SH3GL3: variants seen among roughly 807,000 people sequenced by gnomAD.
SH3GL3 encodes SH3 domain containing GRB2 like 3, endophilin A3, also known as endophilin-A3.
A neutral mutation model predicts 47.7 loss-of-function variants in SH3GL3; 33 were observed. The ratio of observed to expected loss-of-function variants is 0.69; its 90% CI spans 0.52 to 0.92. The LOEUF (loss-of-function observed/expected upper bound fraction) is 0.92, where lower values mean the gene tolerates loss of function less well. Ranked by LOEUF, SH3GL3 falls within the 40% of genes least tolerant of loss-of-function variation. The pLI is 0.00. For missense variants in SH3GL3, 363 were observed against 417.8 expected, an observed-to-expected ratio of 0.87 and a Z score of 1.14; for synonymous variants, 155 against 148.8, an observed-to-expected ratio of 1.04 and a Z score of -0.30.
chr15:83,456,819 A>G (rs930339117), intron 1 of SH3GL3, among the ~76,000 whole-genome samples: 3 of 152,130 alleles, frequency 2.0e-5, no homozygotes, highest in Admixed American at 6.5e-5. Flanking sequence ...CTATTCGGCC[A>G]TCTTGGCTCC....
At chr15:83,627,476 G>A in the SH3GL3 span, among the ~76,000 whole-genome samples, 3 of 152,034 alleles carry the variant, frequency 2.0e-5, no homozygotes, top group South Asian at 4.1e-4. Context: ...TCCTAGTGTT[G>A]GAAATTAGGG....
chr15:83,566,651 G>A (rs1382859698), intron 3 of SH3GL3, among the ~76,000 whole-genome samples: 1 of 152,164 alleles, frequency 6.6e-6, no homozygotes, highest in Non-Finnish European at 1.5e-5. Flanking sequence ...TAACACGTCT[G>A]TAGTCCTATT....
intron 1 of SH3GL3, among the ~76,000 whole-genome samples, chr15:83,532,613 G>C (rs994411321): frequency 1.3e-5 from 2 of 152,136 alleles, no homozygotes; most frequent in Non-Finnish European, 2.9e-5. Flanking sequence ...ATTGTAAGGT[G>C]TATCAGTTAG....
chr15:83,620,053 A>T (rs1382648605), downstream of SH3GL3, among the ~76,000 whole-genome samples: 3 of 152,216 alleles, frequency 2.0e-5, no homozygotes, highest in Non-Finnish European at 4.4e-5. Context: ...TTCTTTGTTC[A>T]ACTGTAAGAA....
intron 1 of SH3GL3, among the ~76,000 whole-genome samples, chr15:83,481,526 A>G (rs1001530155): frequency 5.9e-5 from 9 of 152,280 alleles, no homozygotes; most frequent in Middle Eastern, 3.4e-3. Flanking sequence ...CTTTATTTGT[A>G]CTTGACTTGA....
chr15:83,585,670 T>A (rs755114866), intron 6 of SH3GL3, among the ~76,000 whole-genome samples: 2 of 152,192 alleles, frequency 1.3e-5, no homozygotes, highest in Non-Finnish European at 2.9e-5. Context: ...GGGGCCAGGC[T>A]GTCTTTGTTT....
In SH3GL3 at chr15:83,541,312, A is replaced by ATTTTTTTT. The variant is rs71156085; in HGVS notation, c.46-17909_46-17902dup. On this transcript the variant is annotated intron_variant, in intron 1 of 8. Transcript: ENST00000427482. ...GATGGCTGGATCATATGGTAATTCT[A>ATTTTTTTT]TTTTTTTTTTTTTTTTTTTTTTTTT... Among the ~76,000 whole-genome samples the ATTTTTTTT allele has an allele frequency of 5.0e-3, 237 of 47,358 alleles. 69 individuals are homozygous for ATTTTTTTT. The highest frequency in any genetic ancestry group is 0.033 in the East Asian group (36 of 1,088). 31.1% of individuals were successfully genotyped at this position (47,358 alleles called of 152,430 possible).
intron 1 of SH3GL3, among the ~76,000 whole-genome samples, chr15:83,533,837 G>T (rs906709143): frequency 1.3e-5 from 2 of 152,146 alleles, no homozygotes; most frequent in Non-Finnish European, 2.9e-5. Flanking sequence ...TGACTTATTC[G>T]CAGGTGTCCC....
At chr15:83,480,881 G>A (rs2041317328) in intron 1 of SH3GL3, among the ~76,000 whole-genome samples, 1 of 152,004 alleles carries the variant, frequency 6.6e-6, no homozygotes, top group Non-Finnish European at 1.5e-5. Flanking sequence ...GTATCCCATG[G>A]GAGTCCTGGA....
downstream of SH3GL3, among the ~76,000 whole-genome samples, chr15:83,619,459 G>A (rs940140070): frequency 3.3e-5 from 5 of 152,124 alleles, no homozygotes; most frequent in African/African-American, 9.7e-5. Context: ...TAGCTAATGC[G>A]TGTCGGGCTT....
intron 1 of SH3GL3, among the ~76,000 whole-genome samples, chr15:83,494,351 A>C (rs981712507): frequency 1.3e-5 from 2 of 152,126 alleles, no homozygotes; most frequent in African/African-American, 4.8e-5. Flanking sequence ...TATTTGGCTT[A>C]TTTATTGAGA....
chr15:83,554,841 C>A (rs911783658), intron 1 of SH3GL3, among the ~76,000 whole-genome samples: 2 of 152,140 alleles, frequency 1.3e-5, no homozygotes, highest in African/African-American at 2.4e-5. Context: ...GGTTTTGCTG[C>A]GTCTGGGTGT....
At chr15:83,520,017 C>T (rs899451543) in intron 1 of SH3GL3, among the ~76,000 whole-genome samples, 34 of 152,312 alleles carry the variant, frequency 2.2e-4, no homozygotes, top group African/African-American at 6.7e-4. Context: ...GTCAGAGGGT[C>T]GGAGACAAAT....
chr15:83,596,693 C>T (rs1053242719), intron 8 of SH3GL3, among the ~76,000 whole-genome samples: 2 of 152,140 alleles, frequency 1.3e-5, no homozygotes, highest in African/African-American at 4.8e-5. Context: ...TGGTCTCCAA[C>T]TCCTGGGCTC....
intron 1 of SH3GL3, among the ~76,000 whole-genome samples, chr15:83,483,610 G>T (rs77722119): frequency 9.8e-4 from 149 of 152,242 alleles, no homozygotes; most frequent in African/African-American, 3.6e-3. Context: ...GAAATTAATG[G>T]ATGCAGCAAG....
At chr15:83,558,271 CTT>C (rs2045062520) in intron 1 of SH3GL3, among the ~76,000 whole-genome samples, 1 of 152,174 alleles carries the variant, frequency 6.6e-6, no homozygotes, top group South Asian at 2.1e-4. Flanking sequence ...GATGAAGACT[CTT>C]TAGGGATCTC....
intron 8 of SH3GL3, among the ~76,000 whole-genome samples, chr15:83,591,405 C>T (rs529189385): frequency 6.6e-6 from 1 of 151,682 alleles, no homozygotes; most frequent in African/African-American, 2.4e-5. Context: ...ATTGCCCTTT[C>T]AAACACACAT....
chr15:83,541,513 T>G (rs545144175), intron 1 of SH3GL3, among the ~76,000 whole-genome samples: 32 of 152,078 alleles, frequency 2.1e-4, no homozygotes, highest in African/African-American at 7.5e-4. Context: ...TTTTGTATTT[T>G]TAGTAGAGAC....
At chr15:83,597,887 C>T (rs1468552226) in intron 8 of SH3GL3, among the ~76,000 whole-genome samples, 5 of 152,176 alleles carry the variant, frequency 3.3e-5, no homozygotes, top group Non-Finnish European at 5.9e-5. Context: ...GGATTATAGG[C>T]GTGAGCCACC....
Sources: gnomAD v4.1 joint callset for allele counts (sites outside exome capture counted in the v4.1 genomes callset) on GRCh38, gnomAD v4.1.1 for gene constraint, MANE v1.5 for transcripts, NCBI Gene and HGNC (gene_info 2026-07-23, HGNC 2026-07-21) for gene names.